PHF20: variants seen among roughly 807,000 people sequenced by gnomAD.
PHF20 encodes glioma-expressed antigen 2.
Under a neutral mutation model 113.5 loss-of-function variants are expected in PHF20, and 23 were observed. That is an observed-to-expected ratio of 0.20 (90% CI 0.15 to 0.29). PHF20 has a LOEUF of 0.29. Ranked by LOEUF, PHF20 falls within the 10% of genes least tolerant of loss-of-function variation. PHF20 has a pLI of 1.00. For missense variants in PHF20, 943 were observed against 1,219.6 expected, an observed-to-expected ratio of 0.77 and a Z score of 3.38; for synonymous variants, 434 against 457.3, an observed-to-expected ratio of 0.95 and a Z score of 0.65.
At chr20:35,818,596 G>T (rs1196551625) in intron 2 of PHF20, among the ~76,000 whole-genome samples, 1 of 152,012 alleles carries the variant, frequency 6.6e-6, no homozygotes, top group Non-Finnish European at 1.5e-5. Context: ...CTGGAGTGCA[G>T]TGGTGTGATC....
At chr20:35,911,293 T>C (rs909553269) in intron 10 of PHF20, among the ~76,000 whole-genome samples, 21 of 152,238 alleles carry the variant, frequency 1.4e-4, no homozygotes, top group Middle Eastern at 3.4e-3. Flanking sequence ...CCGCCCGCCT[T>C]GGCCTCCCAA....
At chr20:35,873,116 T>G (rs1201998106) in intron 9 of PHF20, among the ~76,000 whole-genome samples, 2 of 152,068 alleles carry the variant, frequency 1.3e-5, no homozygotes, top group Non-Finnish European at 2.9e-5. Context: ...TTTTTTTTTT[T>G]TTTGAGACAG....
intron 2 of PHF20, among the ~76,000 whole-genome samples, chr20:35,831,880 G>A (rs1028754174): frequency 2.6e-5 from 4 of 152,166 alleles, no homozygotes; most frequent in African/African-American, 9.6e-5. Flanking sequence ...CCAGATTACA[G>A]AAAAGCACAA....
chr20:35,786,880 T>C (rs2041429275), intron 1 of PHF20, among the ~76,000 whole-genome samples: 1 of 152,112 alleles, frequency 6.6e-6, no homozygotes, highest in Non-Finnish European at 1.5e-5. Context: ...CAAGGAGTAA[T>C]AATAGTTCCC....
chr20:35,804,252 GA>G (rs374913086), intron 2 of PHF20, among the ~76,000 whole-genome samples: 5,322 of 37,268 alleles, frequency 0.14, 161 homozygotes, highest in Middle Eastern at 0.24. Flanking sequence ...TTTTTTTTTT[GA>G]GACGTAGTCT....
chr20:35,884,851 G>A (rs2054697660), intron 9 of PHF20, among the ~76,000 whole-genome samples: 1 of 151,948 alleles, frequency 6.6e-6, no homozygotes, highest in Non-Finnish European at 1.5e-5. Flanking sequence ...CATTTTTTGA[G>A]ATGGATTCTC....
chr20:35,882,679 G>A lies in PHF20; in HGVS notation c.1282+10850G>A, dbSNP rs142866274. 3.3e-3 allele frequency among the ~76,000 whole-genome samples: 504 copies of A among 152,322 alleles called. 2 individuals are homozygous for A. The highest frequency in any genetic ancestry group is 0.011 in the African/African-American group (462 of 41,584). The stretch of plus-strand genomic sequence containing the variant: ...TGGGCCTCCGCCTTGGCCTCCCAAA[G>A]TGGTGGGATTGGAGGTGTGAGTCAC... On this transcript the variant is annotated intron_variant, in intron 9 of 17. Coordinates refer to ENST00000374012, the MANE Select transcript of PHF20 (RefSeq NM_016436.5).
intron 15 of PHF20, among the ~76,000 whole-genome samples, chr20:35,932,682 C>T (rs1170674612): frequency 6.6e-6 from 1 of 152,156 alleles, no homozygotes; most frequent in African/African-American, 2.4e-5. Context: ...CCACCCACCT[C>T]GGCCTCCGAA....
At chr20:35,838,502 T>G (rs2042481494) in intron 2 of PHF20, 1 of 152,180 alleles carries the variant, frequency 6.6e-6, no homozygotes, top group South Asian at 2.1e-4. Flanking sequence ...TCAAATACTG[T>G]TTGACATCTT....
intron 9 of PHF20, among the ~76,000 whole-genome samples, chr20:35,882,887 G>T (rs2054659800): frequency 6.6e-6 from 1 of 152,054 alleles, no homozygotes; most frequent in South Asian, 2.1e-4. Flanking sequence ...GTTTAGCCAG[G>T]TGCGGTGGTG....
chr20:35,790,444 G>A (rs925704281), intron 1 of PHF20, among the ~76,000 whole-genome samples: 1 of 151,848 alleles, frequency 6.6e-6, no homozygotes, highest in Admixed American at 6.6e-5. Context: ...CAGGTGATCC[G>A]CCTGCCTCAG....
At chr20:35,900,488 C>A (rs2055073519) in intron 10 of PHF20, among the ~76,000 whole-genome samples, 1 of 152,104 alleles carries the variant, frequency 6.6e-6, no homozygotes. Context: ...TCCGAGGGGT[C>A]AACCTTCATT....
chr20:35,866,993 A>G (rs941100718), intron 6 of PHF20, among the ~76,000 whole-genome samples: 1 of 152,174 alleles, frequency 6.6e-6, no homozygotes, highest in African/African-American at 2.4e-5. Context: ...GGAATCTGGG[A>G]ATATGAATTG....
chr20:35,794,255 G>A (rs1340009573), intron 1 of PHF20, among the ~76,000 whole-genome samples: 3 of 150,084 alleles, frequency 2.0e-5, no homozygotes, highest in East Asian at 1.9e-4. Flanking sequence ...AGCCGAGATC[G>A]TGCCACTGCA....
intron 10 of PHF20, among the ~76,000 whole-genome samples, chr20:35,911,791 T>G (rs1022448034): frequency 2.6e-5 from 4 of 151,856 alleles, no homozygotes; most frequent in African/African-American, 9.7e-5. Flanking sequence ...CCCAAGTAGC[T>G]GGGATTACAG....
intron 13 of PHF20, 55 bp from the exon 14 acceptor site, chr20:35,927,725 T>C: frequency 1.4e-6 from 2 of 1,395,230 alleles, no homozygotes; most frequent in East Asian, 4.6e-5. Flanking sequence ...GGTCTTACTT[T>C]TGGATGGAGA....
intron 17 of PHF20, among the ~76,000 whole-genome samples, chr20:35,943,183 T>TA (rs1272636213): frequency 6.6e-6 from 1 of 152,014 alleles, no homozygotes; most frequent in Non-Finnish European, 1.5e-5. Flanking sequence ...ATTCCTTTTT[T>TA]AAAAAGCCGG....
At chr20:35,876,047 T>TGTC (rs1727146658) in intron 9 of PHF20, among the ~76,000 whole-genome samples, 1 of 152,208 alleles carries the variant, frequency 6.6e-6, no homozygotes, top group African/African-American at 2.4e-5. Flanking sequence ...TGAGATTTCA[T>TGTC]GTCGTCGTCT....
At chr20:35,774,812 C>A (rs891431748) in intron 1 of PHF20, 2 of 152,168 alleles carry the variant, frequency 1.3e-5, no homozygotes, top group Non-Finnish European at 2.9e-5. Context: ...TTAATGGGGC[C>A]TATGGAGAAG....
Sources: allele counts gnomAD v4.1 joint callset (sites outside exome capture counted in the v4.1 genomes callset), GRCh38; gene constraint gnomAD v4.1.1; transcripts MANE v1.5; gene names NCBI Gene and HGNC (gene_info 2026-07-23, HGNC 2026-07-21).